The following HERC4 variants were observed in gnomAD, a reference collection of about 807,000 sequenced individuals.
HERC4 encodes the protein probable E3 ubiquitin-protein ligase HERC4.
Under a neutral mutation model 124.3 loss-of-function variants are expected in HERC4, and 28 were observed. The ratio of observed to expected loss-of-function variants is 0.23; its 90% confidence interval spans 0.17 to 0.31. HERC4 has a LOEUF of 0.31. Among genes scored for constraint, HERC4 ranks in the 10% least tolerant of loss-of-function variants. The pLI is 1.00. For synonymous variants in HERC4, 407 were observed against 421.5 expected (o/e 0.97, Z 0.42); for missense variants, 713 against 1,229.3 (o/e 0.58, Z 6.28).
chr10:68,027,487 T>TA (rs1302459012), intron 7 of HERC4, among the ~76,000 whole-genome samples: 1 of 152,240 alleles, frequency 6.6e-6, no homozygotes, highest in Non-Finnish European at 1.5e-5. Context: ...CAAAAGTATA[T>TA]AACCACCATA....
chr10:67,970,370 T>A lies in HERC4; in HGVS notation c.1807-3568A>T, dbSNP rs2132493320. 2.0e-5 allele frequency among the ~76,000 whole-genome samples: 3 copies of A among 152,264 alleles called. No homozygotes were observed. In the South Asian group the frequency reaches 6.2e-4, roughly 32 times the overall value. ...ACTCGGGGAGGAGAAGGCAGGTGGA[T>A]CACCTGAAGTCAGGAGTTCAAGACC... is the stretch of plus-strand genomic sequence containing the variant. On this transcript the variant is annotated intron_variant, in intron 15 of 24. Coordinates refer to ENST00000373700, the MANE Select transcript of HERC4 (RefSeq NM_015601.4).
At chr10:67,939,402 G>A (rs1034524936) in intron 21 of HERC4, among the ~76,000 whole-genome samples, 186 bp downstream of exon 21, 1 of 152,154 alleles carries the variant, frequency 6.6e-6, no homozygotes, top group African/African-American at 2.4e-5. Context: ...CAACCTCACT[G>A]GATTGCTGAG....
At chr10:67,974,073 TACACACACACACACACACAC>T (rs57454971) in intron 15 of HERC4, among the ~76,000 whole-genome samples, 12 of 96,050 alleles carry the variant, frequency 1.2e-4, no homozygotes, top group African/African-American at 1.6e-4. Flanking sequence ...AAAATTACTG[TACACACACACACACACACAC>T]ACACACACAC....
intron 3 of HERC4, among the ~76,000 whole-genome samples, chr10:68,053,309 AC>A (rs962349401): frequency 3.4e-5 from 5 of 146,608 alleles, no homozygotes; most frequent in Non-Finnish European, 4.5e-5. Context: ...TAAGCACTAC[AC>A]TTTTTTTTTT....
intron 15 of HERC4, among the ~76,000 whole-genome samples, chr10:67,980,239 T>C (rs944890703): frequency 7.2e-5 from 11 of 152,298 alleles, no homozygotes; most frequent in African/African-American, 2.4e-4. Context: ...ACTGGCATGA[T>C]TCTCCTGTCT....
chr10:68,036,785 A>C (rs2039494995), intron 5 of HERC4, among the ~76,000 whole-genome samples: 1 of 152,208 alleles, frequency 6.6e-6, no homozygotes, highest in African/African-American at 2.4e-5. Flanking sequence ...ATCTTTAATA[A>C]ATCTTTAAAG....
intron 15 of HERC4, among the ~76,000 whole-genome samples, chr10:67,971,805 G>A (rs1178807326): frequency 1.3e-5 from 2 of 151,968 alleles, no homozygotes; most frequent in Admixed American, 6.6e-5. Flanking sequence ...AATATGCCAA[G>A]AAAATAACAT....
intron 3 of HERC4, among the ~76,000 whole-genome samples, chr10:68,064,915 T>G (rs1177998193): frequency 6.7e-6 from 1 of 149,332 alleles, no homozygotes; most frequent in African/African-American, 2.5e-5. Flanking sequence ...GAGGCTAGGG[T>G]GAGTGGAGAT....
intron 4 of HERC4, among the ~76,000 whole-genome samples, chr10:68,041,702 C>T (rs766472806): frequency 1.3e-4 from 20 of 152,014 alleles, no homozygotes; most frequent in Non-Finnish European, 1.9e-4. Context: ...TTATGTGTTT[C>T]CACTTATATT....
chr10:67,989,328 T>C (rs2036431078), intron 14 of HERC4, among the ~76,000 whole-genome samples: 1 of 152,064 alleles, frequency 6.6e-6, no homozygotes, highest in Non-Finnish European at 1.5e-5. Flanking sequence ...AGCTGAACAA[T>C]GTAAAGTGTA....
chr10:67,935,629 A>AG (rs753856487), intron 22 of HERC4, among the ~76,000 whole-genome samples: 1 of 152,188 alleles, frequency 6.6e-6, no homozygotes, highest in African/African-American at 2.4e-5. Context: ...TTTCTCCAGA[A>AG]GGTAAATTTC....
chr10:68,038,060 C>G (rs562843461), intron 5 of HERC4, 33 bp downstream of exon 5: 4 of 1,210,148 alleles, frequency 3.3e-6, no homozygotes, highest in Non-Finnish European at 4.7e-6. Context: ...AGTAATAAAA[C>G]TGAAGAGAAA....
chr10:68,073,334 C>A (rs1300570850), intron 2 of HERC4, 148 bp from the exon 3 acceptor site: 1 of 453,124 alleles, frequency 2.2e-6, no homozygotes, highest in Non-Finnish European at 3.9e-6. Context: ...GTTTCAAAAA[C>A]CAATCAGTTG....
At chr10:67,992,523 A>G (rs2036607421) in intron 10 of HERC4, 83 bp downstream of exon 10, 2 of 1,062,478 alleles carry the variant, frequency 1.9e-6, no homozygotes, top group African/African-American at 3.2e-5. Context: ...ACTTTGTAAC[A>G]TATAAAGAAC....
intron 7 of HERC4, among the ~76,000 whole-genome samples, chr10:68,029,662 G>A (rs1209191): frequency 0.033 from 4,910 of 147,746 alleles, 270 homozygotes; most frequent in African/African-American, 0.11. Context: ...TTTTAAGGAC[G>A]AATATTTATA....
intron 15 of HERC4, among the ~76,000 whole-genome samples, chr10:67,967,140 C>A (rs2034933098): frequency 2.0e-5 from 3 of 152,198 alleles, no homozygotes; most frequent in African/African-American, 2.4e-5. Context: ...AGGCGTGAGC[C>A]ACCACGCCTG....
intron 9 of HERC4, chr10:67,995,380 G>A (rs1431373213): frequency 2.9e-5 from 10 of 348,094 alleles, no homozygotes; most frequent in Middle Eastern, 9.0e-4. Flanking sequence ...TCTTATAACA[G>A]GAAAGAGAGG....
rs369418569 is a variant in HERC4, at chr10:68,046,301, T to C, written c.227-1738A>G. Reference sequence around the variant, plus strand: ...CCTCAAAGGAAGTAGCAGAAAATGATAGGATGACAAGACAGGTAAGTAAGA... The same window carrying C: ...CCTCAAAGGAAGTAGCAGAAAATGACAGGATGACAAGACAGGTAAGTAAGA... On this transcript the variant is annotated intron_variant, in intron 3 of 24. Coordinates refer to ENST00000373700, the MANE Select transcript of HERC4 (RefSeq NM_015601.4). 1.1e-4 allele frequency among the ~76,000 whole-genome samples: 16 copies of C among 152,248 alleles called. No homozygotes were observed. The East Asian group carries it at 1.9e-3, about 18-fold the overall frequency.
intron 4 of HERC4, chr10:68,039,600 G>T: frequency 6.9e-7 from 1 of 1,456,250 alleles, no homozygotes; most frequent in Non-Finnish European, 9.1e-7. Flanking sequence ...CAAAACCTGA[G>T]AGCTGTACTG....
Sources: allele counts gnomAD v4.1 joint callset (sites outside exome capture counted in the v4.1 genomes callset), GRCh38; gene constraint gnomAD v4.1.1; transcripts MANE v1.5; gene names NCBI Gene and HGNC (gene_info 2026-07-23, HGNC 2026-07-21).